The following GPR55 variants were observed in gnomAD, a reference collection of about 807,000 sequenced individuals.
GPR55 encodes the protein G protein-coupled receptor 55.
GPR55 carries 6 observed loss-of-function variants against 7.9 expected under a neutral mutation model. The observed-to-expected ratio is 0.76, with a 90% CI of 0.41 to 1.49. The LOEUF is 1.49. Ranked by LOEUF, GPR55 falls within the 40% of genes most tolerant of loss-of-function variation. The probability of loss-of-function intolerance (pLI) is 0.01; values close to 1 mark genes in which losing one functional copy is unlikely to be tolerated. For synonymous variants in GPR55, 183 were observed against 166.8 expected (o/e 1.10, Z -0.75); for missense variants, 376 against 406.0 (o/e 0.93, Z 0.63).
At chr2:230,958,567 C>T (rs1228608239) in intron 1 of GPR55, among the ~76,000 whole-genome samples, 1 of 152,204 alleles carries the variant, frequency 6.6e-6, no homozygotes, top group Non-Finnish European at 1.5e-5. Context: ...ACCACCACTC[C>T]CCTTCCCACA....
chr2:230,929,795 A>T (rs1691004080), upstream of GPR55: 1 of 152,178 alleles, frequency 6.6e-6, no homozygotes. Flanking sequence ...TGTACGTCCC[A>T]AGTTTCCCCT....
intron 1 of GPR55, among the ~76,000 whole-genome samples, chr2:230,960,334 G>A (rs1691548859): frequency 6.6e-6 from 1 of 152,104 alleles, no homozygotes. Context: ...CAGCCAGGAA[G>A]GTAAGATACA....
intron 1 of GPR55, among the ~76,000 whole-genome samples, chr2:230,947,748 C>A (rs1691342368): frequency 6.6e-6 from 1 of 152,060 alleles, no homozygotes; most frequent in African/African-American, 2.4e-5. Context: ...GCAATCTTCT[C>A]ACCTCAGCCT....
intron 1 of GPR55, among the ~76,000 whole-genome samples, chr2:230,959,184 G>A (rs58596224): frequency 1.4e-3 from 218 of 152,284 alleles, no homozygotes; most frequent in African/African-American, 4.8e-3. Flanking sequence ...CCTAGCTCAC[G>A]CCTGTAATCC....
At chr2:230,935,321 C>T (rs60869348) in intron 1 of GPR55, among the ~76,000 whole-genome samples, 5,126 of 152,278 alleles carry the variant, frequency 0.034, 275 homozygotes, top group African/African-American at 0.11. Flanking sequence ...CCAGCGCAGC[C>T]TCCTGTCTGG....
In GPR55 at chr2:230,909,855, A is replaced by G. The variant is rs1690543459; in HGVS notation, c.*148T>C. ...GAAAAAAGGTCTTTGGGGTATAATG[A>G]GCAAAGCTGGCACTCAATGGGCATC... On this transcript the variant is annotated 3_prime_UTR_variant, in exon 2 of 2. Transcript: ENST00000650999. 2 of 814,198 alleles carry G rather than the reference A, an allele frequency of 2.5e-6. No individual in the cohort carries two copies. The highest frequency in any genetic ancestry group is 4.9e-5 in the Admixed American group (2 of 40,796). 50.4% of individuals were successfully genotyped at this position (814,198 alleles called of 1,614,324 possible). A position where few individuals can be genotyped will look rare whatever the true frequency, so the allele number is the denominator to read the frequency against.
chr2:230,933,972 G>A (rs990711849), intron 1 of GPR55, among the ~76,000 whole-genome samples: 7 of 152,300 alleles, frequency 4.6e-5, no homozygotes, highest in African/African-American at 1.7e-4. Context: ...AGCTTCCGGT[G>A]ACCACCCCAG....
chr2:230,926,571 T>A (rs1690946149), upstream of GPR55, among the ~76,000 whole-genome samples: 5 of 151,986 alleles, frequency 3.3e-5, no homozygotes, highest in South Asian at 1.0e-3. Context: ...ACCCAGAGCC[T>A]GCAATGTGAG....
chr2:230,907,979 CCCGTAGACACTGACCCGAA>C lies in GPR55; in HGVS notation c.*2005_*2023del. On this transcript the variant is annotated 3_prime_UTR_variant, in exon 2 of 2. Coordinates refer to ENST00000650999, the MANE Select transcript of GPR55 (RefSeq NM_005683.4). ...AGGAGGGTGGTCACTAAATCCACCA[CCCGTAGACACTGACCCGAA>C]CCAGCCCCAAATGCCCCGTTGCATG... is the stretch of plus-strand genomic sequence containing the variant. 15 of 152,228 alleles carry C rather than the reference CCCGTAGACACTGACCCGAA, an allele frequency of 9.9e-5. No homozygotes were observed. Among genetic ancestry groups the C allele is most frequent in the African/African-American group, 3.4e-4 (14 of 41,452 alleles). 9.4% of individuals were successfully genotyped at this position (152,228 alleles called of 1,614,324 possible). A position where few individuals can be genotyped will look rare whatever the true frequency, so the allele number is the denominator to read the frequency against.
Position 230,910,574 on chromosome 2 carries a change from C to A in GPR55, c.389G>T (p.Ser130Ile), listed in dbSNP as rs766757239. The A allele has an allele frequency of 1.5e-5, 24 of 1,613,858 alleles. No homozygotes were observed. The highest frequency in any genetic ancestry group is 8.5e-7 in the Non-Finnish European group (1 of 1,179,896). ...FLAIRYPLLVSHLRSPRKIFG... is the reference protein window; with the variant it reads ...FLAIRYPLLVIHLRSPRKIFG... Reference sequence around the variant, plus strand: ...GATCTTCCTGGGGGACCGGAGGTGGCTCACCAGTAGCGGGTAACGGATGGC... The same window carrying A: ...GATCTTCCTGGGGGACCGGAGGTGGATCACCAGTAGCGGGTAACGGATGGC... The change falls in exon 2 of 2, where the codon AGC becomes ATC. Residue 130 changes from serine to isoleucine, a missense_variant. Physicochemically the swap from Ser to Ile is moderately radical, Grantham distance 142. Transcript: ENST00000650999. The surrounding 1 kb of genome is among the most constrained non-coding windows in gnomAD (Gnocchi z 5.4).
chr2:230,928,159 C>T (rs1211759531), upstream of GPR55, among the ~76,000 whole-genome samples: 1 of 152,148 alleles, frequency 6.6e-6, no homozygotes, highest in Non-Finnish European at 1.5e-5. Context: ...AGGCAGGAAC[C>T]AGGGGCACGG....
At chr2:230,960,036 C>A (rs187886627) in intron 1 of GPR55, among the ~76,000 whole-genome samples, 2 of 152,326 alleles carry the variant, frequency 1.3e-5, no homozygotes, top group East Asian at 3.9e-4. Context: ...CCAGTACATG[C>A]CTGGGCTTAG....
upstream of GPR55, among the ~76,000 whole-genome samples, chr2:230,925,509 A>G (rs1690927430): frequency 6.6e-6 from 1 of 152,162 alleles, no homozygotes; most frequent in Non-Finnish European, 1.5e-5. Context: ...CCAAAAAGCC[A>G]AAAATCACAC....
intron 1 of GPR55, among the ~76,000 whole-genome samples, chr2:230,948,018 C>T (rs115949407): frequency 3.5e-4 from 53 of 152,292 alleles, no homozygotes; most frequent in Non-Finnish European, 6.8e-4. Flanking sequence ...CTGCAGTGCC[C>T]GCCCGGCTCC....
chr2:230,927,803 G>A (rs1013212811), upstream of GPR55, among the ~76,000 whole-genome samples: 1 of 152,250 alleles, frequency 6.6e-6, no homozygotes, highest in Admixed American at 6.5e-5. Context: ...ATCCTCCCCT[G>A]ACGCTGGTGA....
At chr2:230,946,977 A>G (rs1691328204) in intron 1 of GPR55, among the ~76,000 whole-genome samples, 1 of 152,214 alleles carries the variant, frequency 6.6e-6, no homozygotes, top group African/African-American at 2.4e-5. Flanking sequence ...GTAAATAAGA[A>G]TTGGCATAGG....
intron 1 of GPR55, among the ~76,000 whole-genome samples, chr2:230,919,986 A>G (rs536119888): frequency 4.1e-4 from 37 of 90,010 alleles, no homozygotes; most frequent in African/African-American, 1.7e-3. Flanking sequence ...CATAGAGGGG[A>G]AAAAAAAAAA....
intron 1 of GPR55, among the ~76,000 whole-genome samples, chr2:230,941,857 T>C (rs1691239000): frequency 6.6e-6 from 1 of 152,226 alleles, no homozygotes; most frequent in Non-Finnish European, 1.5e-5. Context: ...TGATATCTAT[T>C]TGCATCTTAC....
intron 1 of GPR55, among the ~76,000 whole-genome samples, chr2:230,938,533 C>T (rs1167655998): frequency 6.6e-6 from 1 of 152,136 alleles, no homozygotes; most frequent in African/African-American, 2.4e-5. Flanking sequence ...TTCCTGATGT[C>T]TCTTCACTTG....
Sources: allele counts gnomAD v4.1 joint callset (sites outside exome capture counted in the v4.1 genomes callset), GRCh38; gene constraint gnomAD v4.1.1; non-coding constraint Gnocchi (gnomAD v3.1); transcripts MANE v1.5; gene names NCBI Gene and HGNC (gene_info 2026-07-23, HGNC 2026-07-21).